The following C11orf16 variants were observed in gnomAD, a reference collection of about 807,000 sequenced individuals.
The protein encoded by C11orf16 is chromosome 11 open reading frame 16.
Under a neutral mutation model 45.1 loss-of-function variants are expected in C11orf16, and 38 were observed. That is an observed-to-expected ratio of 0.84 (90% CI 0.65 to 1.10). The LOEUF (loss-of-function observed/expected upper bound fraction) is 1.10, where lower values mean the gene tolerates loss of function less well. C11orf16 is among the 50% of genes least tolerant of loss of function. The pLI, the probability that C11orf16 is intolerant of heterozygous loss-of-function variation, is 0.00. For synonymous variants in C11orf16, 221 were observed against 222.0 expected (o/e 1.00, Z 0.04); for missense variants, 583 against 569.5 (o/e 1.02, Z -0.24).
chr11:8,928,174 C>T (rs1263846483), intron 3 of C11orf16, among the ~76,000 whole-genome samples: 1 of 152,178 alleles, frequency 6.6e-6, no homozygotes, highest in Non-Finnish European at 1.5e-5. Flanking sequence ...TCCCAAAGTG[C>T]TGTTATTACA....
At chr11:8,926,528 C>T (rs2064615428) in intron 4 of C11orf16, among the ~76,000 whole-genome samples, 1 of 151,844 alleles carries the variant, frequency 6.6e-6, no homozygotes, top group African/African-American at 2.4e-5. Context: ...TGCAGGGGCT[C>T]ACTTTTCTTG....
intron 5 of C11orf16, among the ~76,000 whole-genome samples, chr11:8,923,263 T>C (rs980911641): frequency 1.3e-5 from 2 of 152,196 alleles, no homozygotes; most frequent in African/African-American, 4.8e-5. Flanking sequence ...GAGTTTGCTA[T>C]GGAGCAAGTC....
chr11:8,923,328 C>G (rs1368084774), intron 5 of C11orf16, among the ~76,000 whole-genome samples: 3 of 152,192 alleles, frequency 2.0e-5, no homozygotes, highest in Non-Finnish European at 4.4e-5. Flanking sequence ...TCCATGGCCC[C>G]TCTGGTTGTC....
At chr11:8,923,748 C>T (rs1416657482) in intron 5 of C11orf16, among the ~76,000 whole-genome samples, 1 of 152,014 alleles carries the variant, frequency 6.6e-6, no homozygotes, top group Non-Finnish European at 1.5e-5. Flanking sequence ...GGATTACAGA[C>T]GTGCATCACA....
At chr11:8,924,792 T>C (rs780234392) in intron 5 of C11orf16, among the ~76,000 whole-genome samples, 1 of 152,164 alleles carries the variant, frequency 6.6e-6, no homozygotes, top group Non-Finnish European at 1.5e-5. Context: ...TTCACACAGC[T>C]CTGACAGGCT....
intron 3 of C11orf16, chr11:8,927,403 C>A: frequency 1.7e-6 from 1 of 577,384 alleles, no homozygotes; most frequent in Non-Finnish European, 3.1e-6. Context: ...CCTCGGGCAA[C>A]TCTTGTGGAT....
chr11:8,926,626 G>C (rs572207068), intron 4 of C11orf16, among the ~76,000 whole-genome samples: 43 of 152,136 alleles, frequency 2.8e-4, no homozygotes, highest in Admixed American at 7.2e-4. Flanking sequence ...GAAGAGGACT[G>C]TCTGGTCCCT....
intron 4 of C11orf16, 78 bp from the exon 5 acceptor site, chr11:8,926,185 C>CAT: frequency 3.4e-6 from 3 of 886,442 alleles, no homozygotes; most frequent in Non-Finnish European, 4.6e-6. Flanking sequence ...TTTTTCTTTT[C>CAT]TTTTTTTTTT....
chr11:8,922,505 C>A (rs1046883748), intron 5 of C11orf16, among the ~76,000 whole-genome samples: 2 of 152,178 alleles, frequency 1.3e-5, no homozygotes, highest in African/African-American at 4.8e-5. Context: ...CTGTTTCAGT[C>A]AAAGGAGGCA....
intron 5 of C11orf16, among the ~76,000 whole-genome samples, chr11:8,922,632 C>T (rs2064583005): frequency 6.6e-6 from 1 of 152,162 alleles, no homozygotes; most frequent in Admixed American, 6.5e-5. Context: ...GACAGAGAAA[C>T]CTATGCAAGA....
At chr11:8,925,283 A>G (rs1220393532) in intron 5 of C11orf16, among the ~76,000 whole-genome samples, 180 bp downstream of exon 5, 1 of 152,264 alleles carries the variant, frequency 6.6e-6, no homozygotes, top group Non-Finnish European at 1.5e-5. Flanking sequence ...CATAGCTGAA[A>G]TGGAAACCTG....
intron 5 of C11orf16, among the ~76,000 whole-genome samples, chr11:8,924,529 A>AAAC (rs372748329): frequency 0.021 from 3,248 of 151,468 alleles, 88 homozygotes; most frequent in African/African-American, 0.059. Context: ...CTTTGTCTCA[A>AAAC]AACAACAACA....
chr11:8,930,389 G>A (rs1168388310), intron 2 of C11orf16, among the ~76,000 whole-genome samples: 2 of 125,844 alleles, frequency 1.6e-5, no homozygotes, highest in African/African-American at 3.1e-5. Flanking sequence ...TTGCGCCACT[G>A]TACTCCAGCC....
At chr11:8,926,897 TG>T in intron 4 of C11orf16, 42 bp downstream of exon 4, 1 of 1,523,266 alleles carries the variant, frequency 6.6e-7, no homozygotes, top group Non-Finnish European at 9.1e-7. Context: ...GATTACAGCC[TG>T]GCTCCTTCTG....
rs10583719 is a variant in C11orf16, at chr11:8,921,341, CAT to C, written c.1377_1378del (p.Ile459MetfsTer11). The C allele has an allele frequency of 5.8e-3, 9,408 of 1,614,154 alleles. 472 individuals are homozygous for C. In the African/African-American group the frequency reaches 0.11, roughly 19 times the overall value. ...CTAACGGGAATTCTTGTTCCACTGA[CAT>C]ATTGCAAGGCTCTGACTCCGCTTTC... On this transcript the variant is annotated frameshift_variant, in exon 6 of 7. Coordinates refer to ENST00000326053, the MANE Select transcript of C11orf16 (RefSeq NM_020643.3). LOFTEE classifies it high-confidence loss of function.
intron 4 of C11orf16, 51 bp from the exon 5 acceptor site, chr11:8,926,158 T>C: frequency 6.9e-7 from 1 of 1,444,278 alleles, no homozygotes; most frequent in Non-Finnish European, 9.3e-7. Flanking sequence ...ATTATCTCCT[T>C]TTTTTTCTTT....
Position 8,925,601 on chromosome 11 carries a change from G to A in C11orf16, c.1066C>T (p.Pro356Ser). ...GVENDLEMGP[P>S]QRLMVNSAVN... ...GCACTGTTCACCATCAGTCTCTGGG[G>A]AGGGCCCATCTCCAGATCATTCTCC... The change falls in exon 5 of 7, where the codon CCC becomes TCC. Residue 356 changes from proline to serine, a missense_variant. Transcript: ENST00000326053. 1 of 1,614,256 alleles carries A rather than the reference G, an allele frequency of 6.2e-7. No homozygotes were observed. Among genetic ancestry groups the A allele is most frequent in the African/African-American group, 1.3e-5 (1 of 75,078 alleles).
chr11:8,929,952 C>G (rs1013630521), intron 2 of C11orf16, among the ~76,000 whole-genome samples: 23 of 151,756 alleles, frequency 1.5e-4, no homozygotes, highest in African/African-American at 5.3e-4. Flanking sequence ...AATCCCATCT[C>G]TACCAAAAAT....
At chr11:8,922,760 A>T (rs550698073) in intron 5 of C11orf16, among the ~76,000 whole-genome samples, 3 of 152,354 alleles carry the variant, frequency 2.0e-5, no homozygotes, top group Admixed American at 2.0e-4. Flanking sequence ...GAGAAGCAAA[A>T]CAGCACATTT....
Sources: allele counts gnomAD v4.1 joint callset (sites outside exome capture counted in the v4.1 genomes callset), GRCh38; gene constraint gnomAD v4.1.1; transcripts MANE v1.5; gene names NCBI Gene and HGNC (gene_info 2026-07-23, HGNC 2026-07-21).